The following DNAH9 variants were observed in gnomAD, a reference collection of about 807,000 sequenced individuals.
DNAH9 encodes the protein dynein axonemal heavy chain 9, also known as DNAH9 variant protein.
Under a neutral mutation model 471.6 loss-of-function variants are expected in DNAH9, and 345 were observed. That is an observed-to-expected ratio of 0.73 (90% CI 0.67 to 0.80). DNAH9 has a LOEUF of 0.80. Ranked by LOEUF, DNAH9 falls within the 30% of genes least tolerant of loss-of-function variation. DNAH9 has a pLI of 0.00. For missense variants in DNAH9, 5,407 were observed against 5,609.2 expected (o/e 0.96, Z 1.15); for synonymous variants, 2,093 against 2,123.6 (o/e 0.99, Z 0.40).
At chr17:11,629,626 C>G in intron 7 of DNAH9, 42 bp downstream of exon 7, 1 of 1,580,282 alleles carries the variant, frequency 6.3e-7, no homozygotes, top group Non-Finnish European at 8.6e-7. Context: ...TGCCTCTGTC[C>G]CGGATGCCTC....
intron 61 of DNAH9, among the ~76,000 whole-genome samples, chr17:11,917,835 A>G (rs1275780729): frequency 6.6e-6 from 1 of 152,050 alleles, no homozygotes; most frequent in Admixed American, 6.6e-5. Flanking sequence ...ACATCCTCTC[A>G]AAGAACAGTC....
intron 57 of DNAH9, among the ~76,000 whole-genome samples, chr17:11,888,754 C>A (rs1972959267): frequency 6.6e-6 from 1 of 152,172 alleles, no homozygotes; most frequent in Admixed American, 6.5e-5. Context: ...CATTTAGAAG[C>A]CTTCTCTGTT....
chr17:11,680,042 G>C (rs1173392542), intron 18 of DNAH9, 63 bp downstream of exon 18: 1 of 1,266,822 alleles, frequency 7.9e-7, no homozygotes, highest in African/African-American at 1.5e-5. Flanking sequence ...TTTCAGAATG[G>C]GGTAAAGTGG....
chr17:11,713,644 G>A (rs994150607), intron 26 of DNAH9, among the ~76,000 whole-genome samples: 4 of 152,044 alleles, frequency 2.6e-5, no homozygotes, highest in African/African-American at 7.2e-5. Flanking sequence ...CATGCATTTG[G>A]TGTTTTATTT....
intron 50 of DNAH9, among the ~76,000 whole-genome samples, chr17:11,858,987 G>A (rs1274534403): frequency 6.6e-6 from 1 of 150,390 alleles, no homozygotes; most frequent in Non-Finnish European, 1.5e-5. Flanking sequence ...GGGAGGCTGA[G>A]GCAAGAGAAT....
At chr17:11,847,730 A>G (rs1005351893) in intron 49 of DNAH9, among the ~76,000 whole-genome samples, 2 of 152,050 alleles carry the variant, frequency 1.3e-5, no homozygotes, top group African/African-American at 4.8e-5. Context: ...ATTGCCCCCA[A>G]CCCAGTTACA....
chr17:11,898,200 C>G (rs755265672), intron 59 of DNAH9, among the ~76,000 whole-genome samples: 28 of 151,964 alleles, frequency 1.8e-4, no homozygotes, highest in Admixed American at 3.9e-4. Context: ...TCTCGGCTCA[C>G]TGCAACCTCT....
chr17:11,929,780 C>G (rs1039426495), intron 62 of DNAH9, 86 bp from the exon 63 acceptor site: 2 of 1,141,826 alleles, frequency 1.8e-6, no homozygotes, highest in African/African-American at 1.6e-5. Flanking sequence ...CCAGTCCCCC[C>G]TCTGGCTGCC....
intron 19 of DNAH9, among the ~76,000 whole-genome samples, chr17:11,688,662 T>C (rs895810800): frequency 6.6e-6 from 1 of 152,180 alleles, no homozygotes; most frequent in East Asian, 1.9e-4. Context: ...TTAGTTGGTC[T>C]ATAGAGCAGT....
At chr17:11,616,931 GTTTA>G (rs2072758615) in intron 4 of DNAH9, among the ~76,000 whole-genome samples, 1 of 152,170 alleles carries the variant, frequency 6.6e-6, no homozygotes, top group South Asian at 2.1e-4. Context: ...TGTGCTAGTT[GTTTA>G]TAAAGATTCC....
intron 49 of DNAH9, among the ~76,000 whole-genome samples, chr17:11,837,431 T>A (rs774925277): frequency 3.3e-5 from 5 of 152,188 alleles, no homozygotes; most frequent in Non-Finnish European, 7.3e-5. Context: ...ATTAACAGGT[T>A]CTTTATGTCA....
chr17:11,949,669 G>T (rs565252396), intron 67 of DNAH9, among the ~76,000 whole-genome samples: 51 of 152,162 alleles, frequency 3.4e-4, no homozygotes, highest in African/African-American at 1.2e-3. Context: ...TCAGTAGAGA[G>T]GGGGTTTCTC....
chr17:11,763,593 C>A lies in DNAH9; in HGVS notation c.7149C>A (p.Gly2383=), dbSNP rs749060836. The A allele has an allele frequency of 5.0e-6, 8 of 1,614,026 alleles. No homozygotes were observed. The Admixed American group carries it at 8.3e-5, about 17-fold the overall frequency. Residue 2383 remains glycine (G), a synonymous_variant, in exon 36 of 69, where the codon GGC becomes GGA. Transcript: ENST00000262442. ...TGTTTGCTGCCATCTGGGCTTTCGG[C>A]GGAGCAATGGTCCAAGATCAGGTAA... ...YFVFAAIWAF[G]GAMVQDQLVD...
At position 11,964,863 on chromosome 17, in the gene DNAH9, C is replaced by CA. The variant is rs556368149; in HGVS notation, c.13233+2614dup. Among the ~76,000 whole-genome samples, 267 of 152,032 alleles carry CA rather than the reference C, an allele frequency of 1.8e-3. 3 individuals are homozygous for CA. Among genetic ancestry groups the CA allele is most frequent in the African/African-American group, 5.8e-3 (240 of 41,494 alleles). On this transcript the variant is annotated intron_variant, in intron 68 of 68. Transcript: ENST00000262442. The stretch of plus-strand genomic sequence containing the variant: ...CAAAGCCCTGTTCCCCACCCCCCCA[C>CA]AAAAAAACTGTCATTATTTTGCCTG...
chr17:11,818,724 C>A (rs552268134), intron 45 of DNAH9, among the ~76,000 whole-genome samples: 1 of 152,062 alleles, frequency 6.6e-6, no homozygotes, highest in African/African-American at 2.4e-5. Context: ...TGGAGTGAAC[C>A]ACATTCACCT....
chr17:11,801,567 T>C (rs963712141), intron 43 of DNAH9, among the ~76,000 whole-genome samples: 3 of 152,106 alleles, frequency 2.0e-5, no homozygotes, highest in Non-Finnish European at 4.4e-5. Flanking sequence ...AGCGTGCACC[T>C]GAAATCCCAG....
chr17:11,921,060 G>A (rs1357282866), intron 61 of DNAH9, among the ~76,000 whole-genome samples: 2 of 151,978 alleles, frequency 1.3e-5, no homozygotes, highest in East Asian at 3.9e-4. Context: ...AGGATCGCTT[G>A]AATCTGAGAG....
intron 57 of DNAH9, among the ~76,000 whole-genome samples, chr17:11,889,476 C>T (rs1423902272): frequency 9.6e-6 from 1 of 103,738 alleles, no homozygotes; most frequent in East Asian, 2.5e-4. Flanking sequence ...TTGCTGGAGC[C>T]AAGGGATGCT....
At chr17:11,941,183 G>A (rs1028838965) in intron 66 of DNAH9, among the ~76,000 whole-genome samples, 6 of 152,062 alleles carry the variant, frequency 3.9e-5, no homozygotes, top group African/African-American at 1.4e-4. Context: ...AAAACAATGG[G>A]GAAGACATAG....
Sources: gnomAD v4.1 joint callset for allele counts (sites outside exome capture counted in the v4.1 genomes callset) on GRCh38, gnomAD v4.1.1 for gene constraint, MANE v1.5 for transcripts, NCBI Gene and HGNC (gene_info 2026-07-23, HGNC 2026-07-21) for gene names.